The following MACROD2 variants were observed in gnomAD, a reference collection of about 807,000 sequenced individuals.
MACROD2 encodes the protein mono-ADP ribosylhydrolase 2.
In MACROD2, 36 loss-of-function variants were observed where a neutral mutation model predicts 70.4. That is an observed-to-expected ratio of 0.51 (90% CI 0.39 to 0.68). MACROD2 has a LOEUF of 0.68. MACROD2 is among the 30% of genes least tolerant of loss of function. The pLI is 0.00. For synonymous variants in MACROD2, 172 were observed against 178.8 expected (o/e 0.96, Z 0.30); for missense variants, 496 against 538.4 (o/e 0.92, Z 0.78).
At chr20:14,302,079 C>G (rs976718692) in intron 3 of MACROD2, among the ~76,000 whole-genome samples, 2 of 152,266 alleles carry the variant, frequency 1.3e-5, no homozygotes, top group Admixed American at 1.3e-4. Context: ...AAACAACATG[C>G]ATTTATTATC....
intron 15 of MACROD2, among the ~76,000 whole-genome samples, chr20:16,025,164 T>C (rs148433677): frequency 6.6e-5 from 10 of 152,346 alleles, no homozygotes; most frequent in African/African-American, 2.2e-4. Flanking sequence ...GGAAAGTTTC[T>C]TGAACTGTCT....
At chr20:14,230,654 T>TATATATATAAAA in intron 3 of MACROD2, among the ~76,000 whole-genome samples, 7 of 74,242 alleles carry the variant, frequency 9.4e-5, no homozygotes, top group African/African-American at 2.0e-4. Context: ...TATATATATA[T>TATATATATAAAA]AACACAGGCT....
At chr20:15,900,052 T>C (rs959915927) in intron 10 of MACROD2, among the ~76,000 whole-genome samples, 2 of 152,176 alleles carry the variant, frequency 1.3e-5, no homozygotes, top group Non-Finnish European at 2.9e-5. Flanking sequence ...TGACATGCTG[T>C]TTTGTGAGTG....
At chr20:15,256,930 A>G (rs2077204417) in intron 6 of MACROD2, among the ~76,000 whole-genome samples, 1 of 151,140 alleles carries the variant, frequency 6.6e-6, no homozygotes, top group African/African-American at 2.4e-5. Context: ...CTATTTTCGG[A>G]AAAAAAAATT....
chr20:14,002,727 G>C (rs188977712), intron 2 of MACROD2, among the ~76,000 whole-genome samples: 8 of 152,124 alleles, frequency 5.3e-5, no homozygotes, highest in African/African-American at 1.9e-4. Context: ...GGCCCTTTGA[G>C]TTTGCTTTAA....
chr20:14,524,628 G>A (rs1434900706), intron 4 of MACROD2, among the ~76,000 whole-genome samples: 1 of 152,074 alleles, frequency 6.6e-6, no homozygotes, highest in Non-Finnish European at 1.5e-5. Flanking sequence ...ATCACACCTG[G>A]GATGCTCATG....
At chr20:14,572,884 T>G (rs149309409) in intron 4 of MACROD2, among the ~76,000 whole-genome samples, 1,545 of 150,380 alleles carry the variant, frequency 0.01, 26 homozygotes, top group African/African-American at 0.036. Context: ...AAATATTAAA[T>G]ATTAAAGATA....
chr20:14,598,555 C>T (rs1982287372), intron 4 of MACROD2, among the ~76,000 whole-genome samples: 1 of 152,062 alleles, frequency 6.6e-6, no homozygotes, highest in Admixed American at 6.6e-5. Context: ...TTTTGCATTC[C>T]TAATCCTTCA....
At chr20:14,812,063 C>A (rs1161863784) in intron 5 of MACROD2, among the ~76,000 whole-genome samples, 2 of 152,014 alleles carry the variant, frequency 1.3e-5, no homozygotes, top group Non-Finnish European at 2.9e-5. Flanking sequence ...TTGACCCAGC[C>A]ATCCCATTAC....
At chr20:15,100,715 G>C (rs906369567) in intron 5 of MACROD2, among the ~76,000 whole-genome samples, 3 of 152,178 alleles carry the variant, frequency 2.0e-5, no homozygotes, top group Non-Finnish European at 4.4e-5. Context: ...CTTTCAAAGA[G>C]TTGATCTGCC....
chr20:14,294,106 C>A (rs776643407), intron 3 of MACROD2, among the ~76,000 whole-genome samples: 6 of 151,684 alleles, frequency 4.0e-5, no homozygotes, highest in Admixed American at 3.9e-4. Context: ...GTGTTTCAAC[C>A]AAACCAAATC....
intron 4 of MACROD2, among the ~76,000 whole-genome samples, chr20:14,521,184 A>C (rs1321694198): frequency 6.6e-6 from 1 of 152,120 alleles, no homozygotes; most frequent in African/African-American, 2.4e-5. Flanking sequence ...GCCCTTCCTC[A>C]TTCTAAGCAG....
At chr20:15,071,232 G>C (rs891142210) in intron 5 of MACROD2, among the ~76,000 whole-genome samples, 2 of 152,180 alleles carry the variant, frequency 1.3e-5, no homozygotes, top group African/African-American at 4.8e-5. Context: ...TAGGCCATTC[G>C]TGTGTTGTTA....
At chr20:15,509,071 C>A (rs1013306390) in intron 8 of MACROD2, among the ~76,000 whole-genome samples, 1 of 152,102 alleles carries the variant, frequency 6.6e-6, no homozygotes, top group Admixed American at 6.6e-5. Context: ...ATAGTTTATT[C>A]TACTCCTTTC....
intron 3 of MACROD2, among the ~76,000 whole-genome samples, chr20:14,236,353 T>G (rs2081870738): frequency 6.6e-6 from 1 of 152,108 alleles, no homozygotes; most frequent in South Asian, 2.1e-4. Context: ...TTATGAGCTT[T>G]AGAATCAAAA....
chr20:15,913,815 C>A (rs773902918), intron 10 of MACROD2, among the ~76,000 whole-genome samples: 13 of 152,168 alleles, frequency 8.5e-5, no homozygotes, highest in Non-Finnish European at 1.3e-4. Flanking sequence ...ATTTACCTCT[C>A]AAAGTGAAAG....
At chr20:15,327,240 T>A (rs1393856944) in intron 6 of MACROD2, among the ~76,000 whole-genome samples, 2 of 152,276 alleles carry the variant, frequency 1.3e-5, no homozygotes, top group South Asian at 4.1e-4. Context: ...ACTTTCTGTG[T>A]CCTTGTGTCT....
intron 3 of MACROD2, among the ~76,000 whole-genome samples, chr20:14,298,310 G>T (rs897869673): frequency 6.6e-6 from 1 of 151,884 alleles, no homozygotes; most frequent in African/African-American, 2.4e-5. Context: ...GCTCACGCCT[G>T]TAATCCCAGC....
intron 15 of MACROD2, among the ~76,000 whole-genome samples, chr20:16,024,635 C>T (rs775587559): frequency 2.6e-5 from 4 of 152,072 alleles, no homozygotes; most frequent in African/African-American, 4.8e-5. Context: ...TCTACAACCA[C>T]GCAAATGATC....
Sources: gnomAD v4.1 joint callset for allele counts (sites outside exome capture counted in the v4.1 genomes callset) on GRCh38, gnomAD v4.1.1 for gene constraint, MANE v1.5 for transcripts, NCBI Gene and HGNC (gene_info 2026-07-23, HGNC 2026-07-21) for gene names.